Variants in SLC3A1 observed in about 807,000 individuals in gnomAD.
SLC3A1 encodes the protein solute carrier family 3 member 1, also known as amino acid transporter heavy chain SLC3A1.
In SLC3A1, 78 loss-of-function variants were observed where a neutral mutation model predicts 60.3. The observed-to-expected ratio is 1.29, with a 90% CI of 1.08 to 1.56. SLC3A1 has a LOEUF of 1.56. Ranked by LOEUF, SLC3A1 falls within the 40% of genes most tolerant of loss-of-function variation. The pLI, the probability that SLC3A1 is intolerant of heterozygous loss-of-function variation, is 0.00. For synonymous variants in SLC3A1, 392 were observed against 307.9 expected (o/e 1.27, Z -2.86); for missense variants, 1,172 against 858.9 (o/e 1.36, Z -4.56).
chr2:44,318,172 C>T (rs1672594441), intron 9 of SLC3A1: 1 of 432,378 alleles, frequency 2.3e-6, no homozygotes, highest in Non-Finnish European at 4.6e-6. Context: ...CACACTGCAG[C>T]CTCTGCTTCC....
chr2:44,315,878 A>G (rs1672426583), intron 9 of SLC3A1, among the ~76,000 whole-genome samples: 1 of 152,292 alleles, frequency 6.6e-6, no homozygotes, highest in Non-Finnish European at 1.5e-5. Context: ...CATCAAAGAA[A>G]GAAAAGAAGG....
chr2:44,277,463 A>G (rs1277196416), intron 1 of SLC3A1, among the ~76,000 whole-genome samples: 1 of 152,100 alleles, frequency 6.6e-6, no homozygotes, highest in African/African-American at 2.4e-5. Context: ...AGAAGAGTGT[A>G]TCTGTCCTTC....
intron 3 of SLC3A1, among the ~76,000 whole-genome samples, chr2:44,283,338 T>A (rs1671543062): frequency 6.6e-6 from 1 of 152,202 alleles, no homozygotes; most frequent in Non-Finnish European, 1.5e-5. Flanking sequence ...TTCACCTCTT[T>A]TTTTCCTCCA....
At chr2:44,287,141 C>G (rs1671635900) in intron 4 of SLC3A1, among the ~76,000 whole-genome samples, 1 of 152,140 alleles carries the variant, frequency 6.6e-6, no homozygotes, top group Non-Finnish European at 1.5e-5. Context: ...GCCTTACCCT[C>G]AAGGAGTCTC....
chr2:44,302,337 G>T (rs1672034288), intron 6 of SLC3A1, among the ~76,000 whole-genome samples: 1 of 152,164 alleles, frequency 6.6e-6, no homozygotes, highest in African/African-American at 2.4e-5. Flanking sequence ...ATATAAAGTA[G>T]TGCCTGGATC....
intron 9 of SLC3A1, 70 bp from the exon 10 acceptor site, chr2:44,320,129 A>G: frequency 7.3e-7 from 1 of 1,368,960 alleles, no homozygotes; most frequent in South Asian, 1.3e-5. Flanking sequence ...ACTCCTTACA[A>G]TATATTAAAA....
intron 3 of SLC3A1, 96 bp from the exon 4 acceptor site, chr2:44,285,936 C>T (rs1671602756): frequency 2.0e-6 from 3 of 1,481,908 alleles, no homozygotes; most frequent in Non-Finnish European, 2.8e-6. Context: ...TCAGGATTTA[C>T]ATACTCTGCC....
chr2:44,318,152 G>A (rs570285508), intron 9 of SLC3A1: 26 of 438,144 alleles, frequency 5.9e-5, no homozygotes, highest in Admixed American at 3.2e-4. Context: ...GTGCAGTGGC[G>A]TGATCTCGGC....
chr2:44,310,125 C>G (rs975791857), intron 7 of SLC3A1, among the ~76,000 whole-genome samples: 6 of 152,166 alleles, frequency 3.9e-5, no homozygotes, highest in African/African-American at 1.4e-4. Flanking sequence ...AACTCCTGAG[C>G]TCAAGTGATC....
chr2:44,322,128 G>T (rs1396823579), downstream of SLC3A1, among the ~76,000 whole-genome samples: 1 of 152,154 alleles, frequency 6.6e-6, no homozygotes, highest in East Asian at 1.9e-4. Context: ...ACTATATGGT[G>T]CCACACGGAC....
chr2:44,321,392 A>T lies in SLC3A1; in HGVS notation c.*753A>T, dbSNP rs1310992094. The T allele has an allele frequency of 1.9e-5, 31 of 1,612,790 alleles. No homozygotes were observed. Among genetic ancestry groups the T allele is most frequent in the Non-Finnish European group, 2.5e-5 (29 of 1,178,930 alleles). On this transcript the variant is annotated 3_prime_UTR_variant, in exon 10 of 10. Transcript: ENST00000260649. ...GGTATTTCTTAAGATCCTCGAAAAC[A>T]CTGGTGCTGTCAAGTCCAAGTTCCT...
At chr2:44,304,417 C>T (rs1229192176) in intron 7 of SLC3A1, 79 bp downstream of exon 7, 3 of 1,107,990 alleles carry the variant, frequency 2.7e-6, no homozygotes, top group Non-Finnish European at 4.1e-6. Flanking sequence ...TGCAATGGAC[C>T]TTTGTCTCTA....
chr2:44,288,630 T>C (rs1426513982), intron 4 of SLC3A1, among the ~76,000 whole-genome samples: 3 of 152,222 alleles, frequency 2.0e-5, no homozygotes, highest in East Asian at 1.9e-4. Flanking sequence ...GTAAGCGTTC[T>C]AATTTCTCCA....
At chr2:44,297,415 T>C (rs1671881192) in intron 4 of SLC3A1, among the ~76,000 whole-genome samples, 1 of 152,144 alleles carries the variant, frequency 6.6e-6, no homozygotes, top group African/African-American at 2.4e-5. Context: ...TTGGCTCATG[T>C]TGTCCCATTC....
intron 7 of SLC3A1, among the ~76,000 whole-genome samples, chr2:44,306,574 A>C (rs1157903201): frequency 1.9e-5 from 1 of 51,448 alleles, no homozygotes; most frequent in African/African-American, 7.2e-5. Context: ...TTTTTTTTTG[A>C]GACGGAGTTT....
In SLC3A1 at chr2:44,304,242, C is replaced by G; in HGVS notation, c.1236C>G (p.Tyr412Ter). The change falls in exon 7 of 10, where the codon TAC becomes TAG. Residue 412 changes from tyrosine to a stop codon, truncating the protein, a stop_gained. Coordinates refer to ENST00000260649, the MANE Select transcript of SLC3A1 (RefSeq NM_000341.4). LOFTEE classifies it high-confidence loss of function. Reference sequence around the variant, plus strand: ...AAGCTGATTTTCCCTTCAACAATTACCTCAGCATGCTAGACACTGTTTCTG... The same window carrying G: ...AAGCTGATTTTCCCTTCAACAATTAGCTCAGCATGCTAGACACTGTTTCTG... ...IQEADFPFNN[Y>*]LSMLDTVSGN... The G allele has an allele frequency of 1.2e-6, 2 of 1,613,984 alleles. No individual in the cohort carries two copies. Among genetic ancestry groups the G allele is most frequent in the South Asian group, 2.2e-5 (2 of 91,082 alleles).
intron 3 of SLC3A1, chr2:44,285,429 G>A (rs1671590775): frequency 3.2e-6 from 1 of 312,192 alleles, no homozygotes; most frequent in Non-Finnish European, 6.3e-6. Flanking sequence ...CCAGAGATGT[G>A]GGAGGGCAGC....
At chr2:44,309,156 G>C (rs1412269288) in intron 7 of SLC3A1, among the ~76,000 whole-genome samples, 1 of 152,090 alleles carries the variant, frequency 6.6e-6, no homozygotes, top group African/African-American at 2.4e-5. Flanking sequence ...ACCATTATCA[G>C]TTTCTAGAAC....
At chr2:44,290,733 T>C (rs1158429519) in intron 4 of SLC3A1, among the ~76,000 whole-genome samples, 3 of 151,420 alleles carry the variant, frequency 2.0e-5, no homozygotes, top group Non-Finnish European at 4.4e-5. Context: ...TTTGTATGAA[T>C]TGTTTTGGAA....
Sources: gnomAD v4.1 joint callset for allele counts (sites outside exome capture counted in the v4.1 genomes callset) on GRCh38, gnomAD v4.1.1 for gene constraint, MANE v1.5 for transcripts, NCBI Gene and HGNC (gene_info 2026-07-23, HGNC 2026-07-21) for gene names.